The following FBXW11 variants were observed in gnomAD, a reference collection of about 807,000 sequenced individuals.
FBXW11 encodes F-box and WD repeat domain containing 11.
FBXW11 carries 19 observed loss-of-function variants against 77.6 expected under a neutral mutation model. The observed-to-expected ratio is 0.24, with a 90% CI of 0.17 to 0.36. FBXW11 has a LOEUF of 0.36. Ranked by LOEUF, FBXW11 falls within the 10% of genes least tolerant of loss-of-function variation. The probability of loss-of-function intolerance (pLI) is 1.00; values close to 1 mark genes in which losing one functional copy is unlikely to be tolerated. For synonymous variants in FBXW11, 235 were observed against 249.4 expected (o/e 0.94, Z 0.54); for missense variants, 334 against 704.2 (o/e 0.47, Z 5.95).
At chr5:171,995,420 AT>A (rs1765976911) in intron 1 of FBXW11, among the ~76,000 whole-genome samples, 1 of 152,106 alleles carries the variant, frequency 6.6e-6, no homozygotes, top group Non-Finnish European at 1.5e-5. Flanking sequence ...GTAAGCAAGC[AT>A]TTAATCATAT....
chr5:171,880,120 G>A lies in FBXW11; in HGVS notation c.853-1991C>T, dbSNP rs576085229. ...GAGTTAATTTTTGTGAAGTATATAGGATCTATGTCTAGACTGTTTAAGGGT... is the reference window on the plus strand; with the variant it reads ...GAGTTAATTTTTGTGAAGTATATAGAATCTATGTCTAGACTGTTTAAGGGT... On this transcript the variant is annotated intron_variant, in intron 7 of 13. Coordinates refer to ENST00000517395, the MANE Select transcript of FBXW11 (RefSeq NM_001378974.1). Among the ~76,000 whole-genome samples, 6 of 152,166 alleles carry A rather than the reference G, an allele frequency of 3.9e-5. 1 individual carries two copies. In the South Asian group the frequency reaches 6.2e-4, roughly 16 times the overall value.
At chr5:171,922,389 C>A (rs1306224445) in intron 2 of FBXW11, among the ~76,000 whole-genome samples, 1 of 152,178 alleles carries the variant, frequency 6.6e-6, no homozygotes, top group African/African-American at 2.4e-5. Context: ...GTTACCTACA[C>A]GTAGGCCCCT....
intron 7 of FBXW11, among the ~76,000 whole-genome samples, chr5:171,878,759 G>A (rs1047398011): frequency 2.6e-5 from 4 of 151,434 alleles, no homozygotes; most frequent in African/African-American, 4.9e-5. Context: ...ACTGTACTCC[G>A]GCCTGGGCAA....
chr5:171,931,464 T>A (rs1479625455), intron 2 of FBXW11, among the ~76,000 whole-genome samples: 2 of 152,304 alleles, frequency 1.3e-5, no homozygotes, highest in East Asian at 1.9e-4. Context: ...CAAATGGACA[T>A]CTATATGCAA....
intron 1 of FBXW11, among the ~76,000 whole-genome samples, chr5:171,960,195 G>T (rs1462335338): frequency 1.3e-5 from 2 of 152,142 alleles, no homozygotes; most frequent in African/African-American, 4.8e-5. Context: ...GAGCAACATG[G>T]TGAAACCCCA....
At chr5:171,967,919 C>CAT (rs1253603440) in intron 1 of FBXW11, among the ~76,000 whole-genome samples, 3 of 146,870 alleles carry the variant, frequency 2.0e-5, no homozygotes, top group African/African-American at 5.2e-5. Flanking sequence ...CACACACACA[C>CAT]ATATAAATCT....
intron 7 of FBXW11, among the ~76,000 whole-genome samples, chr5:171,879,255 C>G (rs966722848): frequency 6.6e-6 from 1 of 152,180 alleles, no homozygotes; most frequent in African/African-American, 2.4e-5. Context: ...TACACACTTA[C>G]GGTTCCTCCC....
At chr5:171,866,202 T>G (rs1287273013) in intron 13 of FBXW11, among the ~76,000 whole-genome samples, 1 of 150,962 alleles carries the variant, frequency 6.6e-6, no homozygotes, top group African/African-American at 2.4e-5. Context: ...GAGGCGGAGG[T>G]TGCAGTGAGC....
At chr5:171,944,257 C>A (rs1762887563) in intron 2 of FBXW11, among the ~76,000 whole-genome samples, 1 of 151,680 alleles carries the variant, frequency 6.6e-6, no homozygotes, top group South Asian at 2.1e-4. Flanking sequence ...ATAATCCCAA[C>A]TATGTAAAAC....
intron 1 of FBXW11, among the ~76,000 whole-genome samples, chr5:171,979,294 C>T (rs931904480): frequency 6.6e-6 from 1 of 152,022 alleles, no homozygotes; most frequent in Non-Finnish European, 1.5e-5. Flanking sequence ...GCCTGGGAAA[C>T]AAAGACCCTC....
chr5:171,864,510 G>C (rs1757264261), intron 13 of FBXW11, among the ~76,000 whole-genome samples: 1 of 152,206 alleles, frequency 6.6e-6, no homozygotes, highest in Non-Finnish European at 1.5e-5. Context: ...AATCTTTTAT[G>C]ACATTCAGAA....
At chr5:171,987,744 C>T (rs562090452) in intron 1 of FBXW11, among the ~76,000 whole-genome samples, 3 of 152,064 alleles carry the variant, frequency 2.0e-5, no homozygotes, top group East Asian at 1.9e-4. Flanking sequence ...TGAGCTACCG[C>T]GCCCGGCCAA....
chr5:171,906,489 T>A (rs1760533903), intron 4 of FBXW11, among the ~76,000 whole-genome samples: 1 of 152,204 alleles, frequency 6.6e-6, no homozygotes, highest in Non-Finnish European at 1.5e-5. Flanking sequence ...ATGAATCAAT[T>A]CGGGAATCAG....
At chr5:171,872,393 G>A (rs1757809526) in intron 10 of FBXW11, among the ~76,000 whole-genome samples, 1 of 152,220 alleles carries the variant, frequency 6.6e-6, no homozygotes, top group Non-Finnish European at 1.5e-5. Context: ...TTCTTAGTAA[G>A]ATACAAAATG....
chr5:171,866,837 A>G (rs562710450), intron 13 of FBXW11, among the ~76,000 whole-genome samples: 10 of 152,172 alleles, frequency 6.6e-5, no homozygotes, highest in Non-Finnish European at 1.5e-4. Flanking sequence ...GCTCCATTCA[A>G]TAATTACAGT....
chr5:172,006,415 C>CCGGA (rs757286546), intron 1 of FBXW11, 43 bp downstream of exon 1: 2 of 1,513,128 alleles, frequency 1.3e-6, no homozygotes, highest in Admixed American at 2.0e-5. Flanking sequence ...CCGCCCGGGG[C>CCGGA]CGGACGGACG....
At chr5:171,954,648 C>T (rs1259935478) in intron 2 of FBXW11, among the ~76,000 whole-genome samples, 1 of 152,168 alleles carries the variant, frequency 6.6e-6, no homozygotes, top group Non-Finnish European at 1.5e-5. Context: ...CTGGCACATA[C>T]CAATTGCTCA....
intron 1 of FBXW11, among the ~76,000 whole-genome samples, chr5:171,982,042 CAG>C (rs901235045): frequency 1.3e-5 from 2 of 152,096 alleles, no homozygotes; most frequent in African/African-American, 4.8e-5. Flanking sequence ...AAAAGGGGAA[CAG>C]GGAAGTTTTT....
intron 1 of FBXW11, among the ~76,000 whole-genome samples, chr5:171,980,286 C>T (rs538938385): frequency 6.6e-6 from 1 of 152,286 alleles, no homozygotes; most frequent in Non-Finnish European, 1.5e-5. Flanking sequence ...TTACTTTTTA[C>T]AGACTTCTAG....
Sources: allele counts gnomAD v4.1 joint callset (sites outside exome capture counted in the v4.1 genomes callset), GRCh38; gene constraint gnomAD v4.1.1; transcripts MANE v1.5; gene names NCBI Gene and HGNC (gene_info 2026-07-23, HGNC 2026-07-21).